ZBTB7C: variants seen among roughly 807,000 people sequenced by gnomAD.
ZBTB7C encodes the protein zinc finger and BTB domain containing 7C, also known as zinc finger and BTB domain-containing protein 7C.
ZBTB7C carries 8 observed loss-of-function variants against 25.7 expected under a neutral mutation model. That is an observed-to-expected ratio of 0.31 (90% CI 0.18 to 0.56). The LOEUF (loss-of-function observed/expected upper bound fraction) is 0.56. Ranked by LOEUF, ZBTB7C falls within the 20% of genes least tolerant of loss-of-function variation. ZBTB7C has a pLI of 0.91. For missense variants in ZBTB7C, 824 were observed against 855.2 expected, an observed-to-expected ratio of 0.96 and a Z score of 0.46; for synonymous variants, 394 against 369.0, an observed-to-expected ratio of 1.07 and a Z score of -0.78.
At chr18:48,290,375 T>C (rs1432213368) in intron 2 of ZBTB7C, among the ~76,000 whole-genome samples, 1 of 152,216 alleles carries the variant, frequency 6.6e-6, no homozygotes. Context: ...CCAAAGCTAC[T>C]GAGGGGTAGC....
chr18:48,158,783 A>C (rs1359300800), intron 3 of ZBTB7C, among the ~76,000 whole-genome samples: 1 of 152,252 alleles, frequency 6.6e-6, no homozygotes. Context: ...CGTGTCAGGC[A>C]TGGCCTTCTT....
At chr18:48,228,053 C>G (rs968781805) in intron 2 of ZBTB7C, among the ~76,000 whole-genome samples, 6 of 152,122 alleles carry the variant, frequency 3.9e-5, no homozygotes, top group Non-Finnish European at 8.8e-5. Context: ...AGAGGCCGCC[C>G]CACCTGGAGG....
At chr18:48,115,256 T>A (rs74564732) in intron 3 of ZBTB7C, among the ~76,000 whole-genome samples, 1 of 147,326 alleles carries the variant, frequency 6.8e-6, no homozygotes, top group Non-Finnish European at 1.5e-5. Context: ...GAACTTTTCT[T>A]TTTTTTTTTT....
At chr18:48,287,461 A>G (rs564384208) in intron 2 of ZBTB7C, among the ~76,000 whole-genome samples, 2 of 152,184 alleles carry the variant, frequency 1.3e-5, no homozygotes, top group Non-Finnish European at 2.9e-5. Context: ...AAGAGGCCCA[A>G]ATGGTTTCAC....
chr18:48,353,602 G>A (rs573421575), intron 1 of ZBTB7C, among the ~76,000 whole-genome samples: 44 of 152,222 alleles, frequency 2.9e-4, no homozygotes, highest in South Asian at 1.5e-3. Context: ...AATCCCATCT[G>A]ATGTTAAAAC....
At chr18:48,164,356 A>G (rs1221422936) in intron 3 of ZBTB7C, among the ~76,000 whole-genome samples, 1 of 152,206 alleles carries the variant, frequency 6.6e-6, no homozygotes, top group Non-Finnish European at 1.5e-5. Context: ...GAAGACTCAG[A>G]CTTCTCATTC....
intron 3 of ZBTB7C, among the ~76,000 whole-genome samples, chr18:48,066,065 T>C (rs1479134224): frequency 6.6e-6 from 1 of 152,226 alleles, no homozygotes; most frequent in Non-Finnish European, 1.5e-5. Flanking sequence ...TGTCTCTGCA[T>C]GTGGTATCTG....
chr18:48,100,447 T>A (rs1302527400), intron 3 of ZBTB7C, among the ~76,000 whole-genome samples: 3 of 152,162 alleles, frequency 2.0e-5, no homozygotes, highest in Non-Finnish European at 4.4e-5. Flanking sequence ...TTAACCTTCC[T>A]CCTCCAGCTT....
Position 48,155,364 on chromosome 18 carries a change from A to G in ZBTB7C, c.-17+30570T>C, listed in dbSNP as rs1302407937. ...TTTTTTTGAGACAGAGTCTCACTCTATCGCCCAGGCTGGAGTGCAGTGGTG... is the reference window on the plus strand; with the variant it reads ...TTTTTTTGAGACAGAGTCTCACTCTGTCGCCCAGGCTGGAGTGCAGTGGTG... On this transcript the variant is annotated intron_variant, in intron 3 of 4. Transcript: ENST00000590800. 8.8e-5 allele frequency among the ~76,000 whole-genome samples: 10 copies of G among 113,798 alleles called. No individual in the cohort carries two copies. The East Asian group carries it at 1.3e-3, about 14-fold the overall frequency. 74.7% of individuals were successfully genotyped at this position (113,798 alleles called of 152,430 possible). A position where few individuals can be genotyped will look rare whatever the true frequency, so the allele number is the denominator to read the frequency against.
intron 2 of ZBTB7C, among the ~76,000 whole-genome samples, chr18:48,199,098 CTGTTCTGTGTTCCG>C (rs2042379177): frequency 6.6e-6 from 1 of 152,218 alleles, no homozygotes; most frequent in Non-Finnish European, 1.5e-5. Flanking sequence ...AAGTCTAATG[CTGTTCTGTGTTCCG>C]ATTTTTGCAG....
At chr18:48,109,049 A>G (rs962416171) in intron 3 of ZBTB7C, among the ~76,000 whole-genome samples, 1 of 152,102 alleles carries the variant, frequency 6.6e-6, no homozygotes, top group African/African-American at 2.4e-5. Flanking sequence ...GACTTCCTAG[A>G]GGAGGAGAGC....
intron 3 of ZBTB7C, among the ~76,000 whole-genome samples, chr18:48,097,373 A>ATTGTTG (rs200278426): frequency 9.7e-5 from 13 of 134,586 alleles, no homozygotes; most frequent in South Asian, 4.7e-4. Context: ...AACTTTTATT[A>ATTGTTG]TTGTTGTTGT....
chr18:48,352,041 GT>G (rs1292874574), intron 1 of ZBTB7C, among the ~76,000 whole-genome samples: 1 of 152,116 alleles, frequency 6.6e-6, no homozygotes, highest in Non-Finnish European at 1.5e-5. Flanking sequence ...CAGCTCAAGG[GT>G]CCCCTCTTCC....
intron 2 of ZBTB7C, among the ~76,000 whole-genome samples, chr18:48,299,428 A>G (rs992763005): frequency 1.3e-5 from 2 of 152,186 alleles, no homozygotes; most frequent in Admixed American, 1.3e-4. Context: ...AGAACAGAAA[A>G]GGTATATTCT....
intron 3 of ZBTB7C, among the ~76,000 whole-genome samples, chr18:48,162,134 C>T (rs529392227): frequency 6.6e-6 from 1 of 152,342 alleles, no homozygotes; most frequent in African/African-American, 2.4e-5. Context: ...GGCTTCGTGC[C>T]AGACCCGGCT....
At chr18:48,175,941 G>A (rs1177079891) in intron 3 of ZBTB7C, among the ~76,000 whole-genome samples, 1 of 152,222 alleles carries the variant, frequency 6.6e-6, no homozygotes, top group African/African-American at 2.4e-5. Context: ...GCATCATTGT[G>A]CAACCTCATG....
chr18:48,032,812 A>G (rs1269670207), intron 4 of ZBTB7C, among the ~76,000 whole-genome samples: 1 of 152,082 alleles, frequency 6.6e-6, no homozygotes, highest in Non-Finnish European at 1.5e-5. Context: ...ACAATGGACA[A>G]TATAAGTGGT....
intron 3 of ZBTB7C, among the ~76,000 whole-genome samples, chr18:48,105,646 G>C (rs960166704): frequency 1.3e-5 from 2 of 152,104 alleles, no homozygotes; most frequent in Non-Finnish European, 2.9e-5. Flanking sequence ...CTGCTCAGTG[G>C]TGTGCTGGTG....
At chr18:48,055,891 T>A (rs2036898537) in intron 3 of ZBTB7C, among the ~76,000 whole-genome samples, 1 of 152,208 alleles carries the variant, frequency 6.6e-6, no homozygotes, top group African/African-American at 2.4e-5. Flanking sequence ...ATCTCCACCC[T>A]GGACTGAGGA....
Sources: allele counts gnomAD v4.1 joint callset (sites outside exome capture counted in the v4.1 genomes callset), GRCh38; gene constraint gnomAD v4.1.1; transcripts MANE v1.5; gene names NCBI Gene and HGNC (gene_info 2026-07-23, HGNC 2026-07-21).